Variants in NOTCH2 observed in about 807,000 individuals in gnomAD.
NOTCH2 encodes the protein notch receptor 2.
A neutral mutation model predicts 235.8 loss-of-function variants in NOTCH2; 29 were observed. The ratio of observed to expected loss-of-function variants is 0.12; its 90% confidence interval spans 0.09 to 0.17. NOTCH2 has a LOEUF of 0.17. NOTCH2 is among the 10% of genes least tolerant of loss of function. NOTCH2 has a pLI of 1.00. For synonymous variants in NOTCH2, 1,086 were observed against 1,141.5 expected, an observed-to-expected ratio of 0.95 and a Z score of 0.98; for missense variants, 2,285 against 3,150.2, an observed-to-expected ratio of 0.73 and a Z score of 6.57.
chr1:119,984,893 C>T (rs1225520103), intron 5 of NOTCH2, among the ~76,000 whole-genome samples: 10 of 152,130 alleles, frequency 6.6e-5, no homozygotes, highest in African/African-American at 2.4e-4. Context: ...ATCAGGGAAG[C>T]CTTCCTGAAG....
intron 2 of NOTCH2, among the ~76,000 whole-genome samples, chr1:120,008,869 G>A (rs1220081927): frequency 1.3e-5 from 2 of 152,088 alleles, no homozygotes; most frequent in Non-Finnish European, 2.9e-5. Context: ...AGCTGAAGAC[G>A]AAAACAAAAT....
chr1:119,922,485 C>T (rs754893089), intron 27 of NOTCH2, 39 bp from the exon 28 acceptor site: 1 of 1,597,310 alleles, frequency 6.3e-7, no homozygotes, highest in South Asian at 1.1e-5. Context: ...CTGAATAAAA[C>T]ATTAACCTCT....
chr1:119,917,133 A>T (rs1649110385), intron 33 of NOTCH2, among the ~76,000 whole-genome samples: 1 of 152,178 alleles, frequency 6.6e-6, no homozygotes, highest in Non-Finnish European at 1.5e-5. Flanking sequence ...GAAAAAACTA[A>T]GGCATGCACA....
At chr1:119,942,108 G>A (rs782090532) in intron 17 of NOTCH2, among the ~76,000 whole-genome samples, 67 of 152,240 alleles carry the variant, frequency 4.4e-4, no homozygotes, top group Admixed American at 6.5e-4. Flanking sequence ...TGGAGTGTGT[G>A]GGGGAGGACA....
chr1:119,989,138 G>A (rs1278897293), intron 4 of NOTCH2, among the ~76,000 whole-genome samples: 4 of 152,298 alleles, frequency 2.6e-5, no homozygotes, highest in African/African-American at 7.2e-5. Flanking sequence ...TCTCAGCATT[G>A]CCATGCAATA....
chr1:119,926,491 G>A lies in NOTCH2; in HGVS notation c.4005+8C>T, dbSNP rs1204456592. 1.3e-6 allele frequency: 2 copies of A among 1,582,768 alleles called. No homozygotes were observed. Among genetic ancestry groups the A allele is most frequent in the African/African-American group, 1.3e-5 (1 of 74,446 alleles). ...TGCCCCTTCTTAGATGAGCAACAGG[G>A]CACTTACCGGGGGACAACGGCAAAT... is the stretch of plus-strand genomic sequence containing the variant. On this transcript the variant is annotated splice_region_variant and intron_variant, in intron 24 of 33. Transcript: ENST00000256646.
intron 3 of NOTCH2, among the ~76,000 whole-genome samples, chr1:119,999,211 G>A (rs587639979): frequency 5.4e-5 from 8 of 149,314 alleles, no homozygotes; most frequent in East Asian, 3.9e-4. Flanking sequence ...ATCCAGTAAC[G>A]GGATGGCGAG....
intron 19 of NOTCH2, among the ~76,000 whole-genome samples, chr1:119,939,050 A>G (rs587722677): frequency 2.2e-3 from 328 of 152,310 alleles, no homozygotes; most frequent in Non-Finnish European, 3.3e-3. Context: ...TTCTGGCACA[A>G]TGGGACAATG....
intron 1 of NOTCH2, among the ~76,000 whole-genome samples, chr1:120,054,500 G>C (rs1320016897): frequency 6.8e-6 from 1 of 147,486 alleles, no homozygotes; most frequent in Non-Finnish European, 1.5e-5. Context: ...TTTAATAATT[G>C]GCTATGTGCA....
At chr1:120,063,356 A>G (rs1655382614) in intron 1 of NOTCH2, among the ~76,000 whole-genome samples, 1 of 151,438 alleles carries the variant, frequency 6.6e-6, no homozygotes, top group African/African-American at 2.4e-5. Flanking sequence ...AATGAAGCAG[A>G]AATCCTCAAA....
rs587675372 is a variant in NOTCH2 at position 120,041,671 on chromosome 1, C to G, written c.74-11684G>C. Among the ~76,000 whole-genome samples, 4 of 151,474 alleles carry G rather than the reference C, an allele frequency of 2.6e-5. No individual in the cohort carries two copies. The South Asian group carries it at 8.4e-4, about 32-fold the overall frequency. On this transcript the variant is annotated intron_variant, in intron 1 of 33. Coordinates refer to ENST00000256646, the MANE Select transcript of NOTCH2 (RefSeq NM_024408.4). ...AAGGCTTTCTTTGTTCTAGAGAGGTCAAAAGATTTCTCTCCAGCTTCAGCC... is the reference window on the plus strand; with the variant it reads ...AAGGCTTTCTTTGTTCTAGAGAGGTGAAAAGATTTCTCTCCAGCTTCAGCC...
chr1:120,043,177 C>T (rs1370128531), intron 1 of NOTCH2, among the ~76,000 whole-genome samples: 1 of 149,056 alleles, frequency 6.7e-6, no homozygotes, highest in East Asian at 1.9e-4. Context: ...CAGCTGATTT[C>T]CATCTACATT....
rs191406280 is a variant in NOTCH2, at chr1:119,976,798, A to T, written c.875-7054T>A. ...TGGGCTTTTTTCATTTCTCAAAATG[A>T]TCACATTCTTTCCCTCCTCAGTGGC... On this transcript the variant is annotated intron_variant, in intron 5 of 33. Coordinates refer to ENST00000256646, the MANE Select transcript of NOTCH2 (RefSeq NM_024408.4). Among the ~76,000 whole-genome samples, 320 of 152,158 alleles carry T rather than the reference A, an allele frequency of 2.1e-3. 7 individuals carry two copies. The highest frequency in any genetic ancestry group is 0.019 in the Admixed American group (285 of 15,252).
At position 119,998,685 on chromosome 1, in the gene NOTCH2, T is replaced by A. The variant is rs28479633; in HGVS notation, c.416-1353A>T. Among the ~76,000 whole-genome samples, 279 of 149,536 alleles carry A rather than the reference T, an allele frequency of 1.9e-3. 1 individual carries two copies. The highest frequency in any genetic ancestry group is 0.012 in the East Asian group (64 of 5,172). ...TACAGAGATGAGAACTCCTTGAATTTTTATTATTATTATTATTATTATACT... is the reference window on the plus strand; with the variant it reads ...TACAGAGATGAGAACTCCTTGAATTATTATTATTATTATTATTATTATACT... On this transcript the variant is annotated intron_variant, in intron 3 of 33. Transcript: ENST00000256646.
At chr1:119,969,100 G>A (rs1227683620) in intron 6 of NOTCH2, among the ~76,000 whole-genome samples, 8 of 152,200 alleles carry the variant, frequency 5.3e-5, no homozygotes, top group Non-Finnish European at 8.8e-5. Flanking sequence ...GGGTTAGAAG[G>A]CACTTAAATG....
chr1:120,048,809 T>A (rs1553214049), intron 1 of NOTCH2, among the ~76,000 whole-genome samples: 2 of 80,416 alleles, frequency 2.5e-5, no homozygotes, highest in East Asian at 6.0e-4. Flanking sequence ...CCAAAGTACA[T>A]CTTTTAAATT....
intron 1 of NOTCH2, among the ~76,000 whole-genome samples, chr1:120,054,890 TCTC>T (rs1412056273): frequency 1.5e-5 from 2 of 135,144 alleles, no homozygotes; most frequent in Non-Finnish European, 3.2e-5. Flanking sequence ...TTTAGATCAT[TCTC>T]CTATTATGCA....
intron 1 of NOTCH2, among the ~76,000 whole-genome samples, chr1:120,039,267 A>C (rs868906237): frequency 1.0e-3 from 150 of 147,734 alleles, no homozygotes; most frequent in East Asian, 2.3e-3. Flanking sequence ...GGTCAAAGAA[A>C]GTGAATATGA....
In NOTCH2 at chr1:119,912,214, C is replaced by G. The variant is rs1352727592; in HGVS notation, c.*3092G>C. The G allele has an allele frequency of 6.4e-5, 15 of 233,328 alleles. No individual in the cohort carries two copies. The highest frequency in any genetic ancestry group is 1.3e-3 in the Middle Eastern group (1 of 786). 14.5% of individuals were successfully genotyped at this position (233,328 alleles called of 1,614,324 possible). On this transcript the variant is annotated 3_prime_UTR_variant, in exon 34 of 34. Transcript: ENST00000256646. Reference sequence around the variant, plus strand: ...GGTCATTTTATTGGTTACTGGGTTTCTCATACAAACAGATATAATATCACT... The same window carrying G: ...GGTCATTTTATTGGTTACTGGGTTTGTCATACAAACAGATATAATATCACT...
Sources: allele counts gnomAD v4.1 joint callset (sites outside exome capture counted in the v4.1 genomes callset), GRCh38; gene constraint gnomAD v4.1.1; transcripts MANE v1.5; gene names NCBI Gene and HGNC (gene_info 2026-07-23, HGNC 2026-07-21).